JMJD1C: variants seen among roughly 807,000 people sequenced by gnomAD.
JMJD1C encodes the protein jumonji domain-containing protein 1C.
A neutral mutation model predicts 245.3 loss-of-function variants in JMJD1C; 31 were observed. The observed-to-expected ratio is 0.13, with a 90% CI of 0.09 to 0.17. JMJD1C has a LOEUF of 0.17. Among genes scored for constraint, JMJD1C ranks in the 10% least tolerant of loss-of-function variants. JMJD1C has a pLI of 1.00. For synonymous variants in JMJD1C, 1,057 were observed against 1,017.4 expected (o/e 1.04, Z -0.74); for missense variants, 2,691 against 3,000.2 (o/e 0.90, Z 2.41).
intron 2 of JMJD1C, among the ~76,000 whole-genome samples, chr10:63,309,868 G>C (rs1284777385): frequency 6.6e-6 from 1 of 152,088 alleles, no homozygotes; most frequent in Non-Finnish European, 1.5e-5. Flanking sequence ...CGTGAGCCAA[G>C]ATCGCGCCAT....
rs760250621 is a variant in JMJD1C at position 63,215,268 on chromosome 10, C to T, written c.1010G>A (p.Arg337Gln). The T allele has an allele frequency of 3.7e-5, 60 of 1,611,484 alleles. No individual in the cohort carries two copies. The highest frequency in any genetic ancestry group is 4.7e-5 in the Non-Finnish European group (55 of 1,178,902). Residue 337 changes from arginine (R) to glutamine (Q), a missense_variant, in exon 7 of 26, where the codon CGA becomes CAA. By Grantham distance (43) the Arg-to-Gln change is conservative (BLOSUM62 1). Around this residue, in one of 9 missense-constraint regions of JMJD1C, gnomAD observed 1,562 missense variants for 1,490.7 expected, o/e 1.05. Coordinates refer to ENST00000399262, the MANE Select transcript of JMJD1C (RefSeq NM_032776.3). ...AAAAAAAAAGTGGGTCCTACCTCCT[C>T]GTGATATATAATCATATTTTTCCTC... ...MKEEKYDYISRGENPKGKNKH... is the reference protein window; with the variant it reads ...MKEEKYDYISQGENPKGKNKH...
At chr10:63,283,854 C>A (rs896562726) in intron 2 of JMJD1C, among the ~76,000 whole-genome samples, 13 of 151,526 alleles carry the variant, frequency 8.6e-5, no homozygotes, top group Admixed American at 4.0e-4. Context: ...CAAAAAAAAA[C>A]CATTTAAAGT....
rs774810703 is a variant in JMJD1C, at chr10:63,193,065, C to G, written c.5949G>C (p.Glu1983Asp). 1 of 1,614,144 alleles carries G rather than the reference C, an allele frequency of 6.2e-7. No individual in the cohort carries two copies. The highest frequency in any genetic ancestry group is 2.2e-5 in the East Asian group (1 of 44,882). The change falls in exon 16 of 26, where the codon GAG (glutamate) becomes GAC (aspartate). Residue 1983 changes from glutamate to aspartate, a missense_variant. Glu to Asp is a conservative substitution (Grantham distance 45, BLOSUM62 2). This residue lies in a region of JMJD1C where 275 missense variants were observed against 285.5 expected (regional missense o/e 0.96). Coordinates refer to ENST00000399262, the MANE Select transcript of JMJD1C (RefSeq NM_032776.3). ...SQQQNTPPKSEKNGGSSPESD... is the reference protein window; with the variant it reads ...SQQQNTPPKSDKNGGSSPESD... ...TCTCTGGGCTGCTGCCACCATTTTTCTCAGACTTCGGAGGAGTATTTTGCT... is the reference window on the plus strand; with the variant it reads ...TCTCTGGGCTGCTGCCACCATTTTTGTCAGACTTCGGAGGAGTATTTTGCT...
At chr10:63,473,206 A>G (rs1231750290) in intron 1 of JMJD1C, among the ~76,000 whole-genome samples, 1 of 152,208 alleles carries the variant, frequency 6.6e-6, no homozygotes, top group Admixed American at 6.5e-5. Context: ...AGGATATGGT[A>G]AAACAAATGC....
intron 2 of JMJD1C, among the ~76,000 whole-genome samples, chr10:63,325,515 G>A (rs746735629): frequency 1.3e-4 from 20 of 152,042 alleles, no homozygotes; most frequent in Non-Finnish European, 1.8e-4. Flanking sequence ...TAATTCCTCC[G>A]ACAGTGTTTA....
chr10:63,275,380 G>C (rs980551450), intron 2 of JMJD1C, among the ~76,000 whole-genome samples: 1 of 152,252 alleles, frequency 6.6e-6, no homozygotes, highest in African/African-American at 2.4e-5. Flanking sequence ...AAGTCACAAA[G>C]TACAAAGGAA....
chr10:63,316,286 A>AT (rs1245009190), intron 2 of JMJD1C, among the ~76,000 whole-genome samples: 1 of 152,206 alleles, frequency 6.6e-6, no homozygotes, highest in African/African-American at 2.4e-5. Context: ...AGTAATTTTC[A>AT]TATCTGTTTT....
intron 2 of JMJD1C, among the ~76,000 whole-genome samples, chr10:63,363,853 ATTTTTTT>A (rs759663605): frequency 1.6e-5 from 2 of 126,446 alleles, no homozygotes; most frequent in Admixed American, 8.7e-5. Context: ...TGCCTGGCTA[ATTTTTTT>A]TTTTTTTTTT....
At chr10:63,503,924 C>A (rs186057792) in intron 1 of JMJD1C, among the ~76,000 whole-genome samples, 87 of 152,246 alleles carry the variant, frequency 5.7e-4, no homozygotes, top group African/African-American at 2.0e-3. Context: ...AGCAGTATCT[C>A]CAACCACCAG....
At chr10:63,456,681 C>A (rs867320807) in intron 1 of JMJD1C, among the ~76,000 whole-genome samples, 1 of 152,092 alleles carries the variant, frequency 6.6e-6, no homozygotes, top group Non-Finnish European at 1.5e-5. Flanking sequence ...GCTGACTATT[C>A]CTACTGCCAT....
chr10:63,431,761 C>G (rs1950764400), intron 1 of JMJD1C, among the ~76,000 whole-genome samples: 1 of 152,220 alleles, frequency 6.6e-6, no homozygotes, highest in African/African-American at 2.4e-5. Flanking sequence ...CGCCTGTAAT[C>G]CCAGCACTTT....
chr10:63,487,259 T>C (rs2893922), intron 1 of JMJD1C, among the ~76,000 whole-genome samples: 14 of 152,062 alleles, frequency 9.2e-5, no homozygotes, highest in Non-Finnish European at 1.3e-4. Context: ...TATGGATTTA[T>C]AGTGACAATG....
chr10:63,213,933 T>C lies in JMJD1C; in HGVS notation c.2234A>G (p.His745Arg), dbSNP rs1212489056. The stretch of plus-strand genomic sequence containing the variant: ...GGTACCTGGATTTAAACAGGTTCTA[T>C]GAGATGAGGAGTGAAGAGGAAAAGG... ...QHPFPLHSSS[H>R]RTCLNPGTHH... The change falls in exon 8 of 26, where the codon CAT becomes CGT. Residue 745 changes from histidine (H) to arginine (R), a missense_variant. By Grantham distance (29) the His-to-Arg change is conservative. Coordinates refer to ENST00000399262, the MANE Select transcript of JMJD1C (RefSeq NM_032776.3). The C allele has an allele frequency of 6.2e-7, 1 of 1,613,750 alleles. No individual in the cohort carries two copies. Among genetic ancestry groups the C allele is most frequent in the Non-Finnish European group, 8.5e-7 (1 of 1,179,666 alleles).
intron 3 of JMJD1C, among the ~76,000 whole-genome samples, chr10:63,246,988 G>A (rs1852290655): frequency 6.6e-6 from 1 of 150,440 alleles, no homozygotes. Context: ...TTAAAAAGTA[G>A]ACTTCAAATA....
intron 2 of JMJD1C, among the ~76,000 whole-genome samples, chr10:63,298,702 C>T (rs1859720523): frequency 6.6e-6 from 1 of 152,080 alleles, no homozygotes; most frequent in Non-Finnish European, 1.5e-5. Context: ...GATGTTCTCC[C>T]GACATCAGTA....
At chr10:63,199,312 G>A (rs762945485) in intron 11 of JMJD1C, among the ~76,000 whole-genome samples, 1 of 152,070 alleles carries the variant, frequency 6.6e-6, no homozygotes, top group Non-Finnish European at 1.5e-5. Flanking sequence ...ATGGTAAACG[G>A]AAGGCAAAAT....
rs1445422752 is a variant in JMJD1C at position 63,207,406 on chromosome 10, T to C, written c.4263A>G (p.Ser1421=). The change falls in exon 10 of 26, where the codon TCA becomes TCG. Residue 1421 remains serine, a synonymous_variant. Transcript: ENST00000399262. The stretch of plus-strand genomic sequence containing the variant: ...ATGATGTAGAGGCCAAAATGGTATT[T>C]GATAAAGAGGAAATTACTTCTGAAC... ...WGGSEVISSL[S]NTILASTSSE... is the part of the protein sequence containing the mutation. 1.2e-6 allele frequency: 2 copies of C among 1,614,048 alleles called. No individual in the cohort carries two copies. Among genetic ancestry groups the C allele is most frequent in the Non-Finnish European group, 1.7e-6 (2 of 1,180,038 alleles).
intron 1 of JMJD1C, among the ~76,000 whole-genome samples, chr10:63,435,069 G>A (rs1360928257): frequency 6.6e-6 from 1 of 152,166 alleles, no homozygotes; most frequent in Non-Finnish European, 1.5e-5. Context: ...ACTGAACAAT[G>A]CGCTCAAGTA....
At chr10:63,208,884 T>G (rs1286316606) in intron 9 of JMJD1C, 83 bp from the exon 10 acceptor site, 5 of 1,196,922 alleles carry the variant, frequency 4.2e-6, no homozygotes, top group African/African-American at 1.5e-5. Context: ...ATCATTCTAT[T>G]ATGAAAGTAA....
Sources: gnomAD v4.1 joint callset for allele counts (sites outside exome capture counted in the v4.1 genomes callset) on GRCh38, gnomAD v4.1.1 for gene constraint, gnomAD v4.1.1 regional missense constraint, MANE v1.5 for transcripts, NCBI Gene and HGNC (gene_info 2026-07-23, HGNC 2026-07-21) for gene names.